GLIS1: variants seen among roughly 807,000 people sequenced by gnomAD.
The protein encoded by GLIS1 is GLIS family zinc finger 1.
GLIS1 carries 24 observed loss-of-function variants against 63.8 expected under a neutral mutation model. That is an observed-to-expected ratio of 0.38 (90% CI 0.27 to 0.53). The LOEUF is 0.53. GLIS1 is among the 20% of genes least tolerant of loss of function. The probability of loss-of-function intolerance (pLI) is 0.85; values close to 1 mark genes in which losing one functional copy is unlikely to be tolerated. For missense variants in GLIS1, 1,036 were observed against 1,074.1 expected (o/e 0.96, Z 0.50); for synonymous variants, 450 against 482.5 (o/e 0.93, Z 0.88).
At chr1:53,559,937 T>C (rs2100435489) in intron 4 of GLIS1, among the ~76,000 whole-genome samples, 1 of 152,234 alleles carries the variant, frequency 6.6e-6, no homozygotes, top group East Asian at 1.9e-4. Flanking sequence ...CCCCTACCTC[T>C]GCCCACAGTG....
At chr1:53,586,357 A>G (rs1358091140) in intron 4 of GLIS1, among the ~76,000 whole-genome samples, 1 of 152,188 alleles carries the variant, frequency 6.6e-6, no homozygotes, top group Non-Finnish European at 1.5e-5. Flanking sequence ...AGTGCAGGAA[A>G]CTGAGGCTCA....
At chr1:53,627,575 C>T (rs1005271463) in intron 2 of GLIS1, among the ~76,000 whole-genome samples, 1 of 152,206 alleles carries the variant, frequency 6.6e-6, no homozygotes, top group Non-Finnish European at 1.5e-5. Context: ...AATTTAAAAT[C>T]CCTTTCGACA....
intron 4 of GLIS1, among the ~76,000 whole-genome samples, chr1:53,556,421 ATG>A (rs1411828546): frequency 1.7e-5 from 1 of 58,468 alleles, no homozygotes; most frequent in East Asian, 6.4e-4. Flanking sequence ...TACTGTAGGT[ATG>A]TGTGTGCAGG....
intron 7 of GLIS1, among the ~76,000 whole-genome samples, chr1:53,515,865 C>T (rs960527277): frequency 2.0e-5 from 3 of 150,770 alleles, no homozygotes; most frequent in Admixed American, 6.6e-5. Context: ...CCCCTGCATT[C>T]CAGGCCATTA....
intron 2 of GLIS1, among the ~76,000 whole-genome samples, chr1:53,716,608 G>A (rs770623058): frequency 6.6e-6 from 1 of 152,086 alleles, no homozygotes; most frequent in Non-Finnish European, 1.5e-5. Context: ...CATAAATGGA[G>A]GCACAATGCC....
chr1:53,711,583 G>C (rs1320186963), intron 2 of GLIS1, among the ~76,000 whole-genome samples: 1 of 152,192 alleles, frequency 6.6e-6, no homozygotes, highest in Non-Finnish European at 1.5e-5. Context: ...TCAGAGCACA[G>C]CTCTTTCTTT....
chr1:53,734,650 C>G (rs1304380763), intron 2 of GLIS1, among the ~76,000 whole-genome samples: 1 of 152,202 alleles, frequency 6.6e-6, no homozygotes, highest in Non-Finnish European at 1.5e-5. Context: ...TCACAAGAGC[C>G]CCCAAGGCAG....
chr1:53,607,974 T>TTC (rs1557478578), intron 2 of GLIS1, among the ~76,000 whole-genome samples: 2 of 150,864 alleles, frequency 1.3e-5, no homozygotes, highest in Non-Finnish European at 3.0e-5. Context: ...TTTTTTTTTT[T>TTC]TTGAGACAGG....
At chr1:53,688,264 T>C (rs1263218118) in intron 2 of GLIS1, among the ~76,000 whole-genome samples, 1 of 152,214 alleles carries the variant, frequency 6.6e-6, no homozygotes. Context: ...TGTGGGCTCA[T>C]GGGGGATAAA....
intron 4 of GLIS1, among the ~76,000 whole-genome samples, chr1:53,543,678 C>A (rs749716089): frequency 2.0e-5 from 3 of 152,104 alleles, no homozygotes; most frequent in Non-Finnish European, 4.4e-5. Flanking sequence ...AGTAAGCGCA[C>A]TGGTCTCTCT....
rs1644465933 is a variant in GLIS1 at position 53,526,098 on chromosome 1, C to T, written c.1483-1211G>A. 6.6e-6 allele frequency among the ~76,000 whole-genome samples: 1 copy of T among 152,172 alleles called. No individual in the cohort carries two copies. Among genetic ancestry groups the T allele is most frequent in the African/African-American group, 2.4e-5 (1 of 41,426 alleles). Reference sequence around the variant, plus strand: ...CGGACACGTCTAGTGCTTCCGCTCTCTTAGAAGCCTCTGCCCTGCTGGGAC... The same window carrying T: ...CGGACACGTCTAGTGCTTCCGCTCTTTTAGAAGCCTCTGCCCTGCTGGGAC... On this transcript the variant is annotated intron_variant, in intron 5 of 10. Coordinates refer to ENST00000628545, the MANE Select transcript of GLIS1 (RefSeq NM_001367484.1). The surrounding 1 kb of genome is among the most constrained non-coding windows in gnomAD (Gnocchi z 4.4).
At chr1:53,551,055 T>C (rs1201586620) in intron 4 of GLIS1, among the ~76,000 whole-genome samples, 1 of 152,092 alleles carries the variant, frequency 6.6e-6, no homozygotes, top group East Asian at 1.9e-4. Flanking sequence ...TTCACCATGT[T>C]AGGCCGGTTT....
chr1:53,534,657 C>T (rs1644564489), intron 4 of GLIS1, among the ~76,000 whole-genome samples: 1 of 151,552 alleles, frequency 6.6e-6, no homozygotes, highest in Non-Finnish European at 1.5e-5. Flanking sequence ...CCTCCACCCC[C>T]ACCTGACCAC....
At chr1:53,605,715 T>C (rs796351178) in intron 2 of GLIS1, among the ~76,000 whole-genome samples, 13 of 152,206 alleles carry the variant, frequency 8.5e-5, no homozygotes, top group African/African-American at 2.9e-4. Context: ...TCCAACTTGC[T>C]TCACATATTG....
intron 2 of GLIS1, among the ~76,000 whole-genome samples, chr1:53,705,911 A>C: frequency 6.6e-6 from 1 of 152,224 alleles, no homozygotes; most frequent in East Asian, 1.9e-4. Flanking sequence ...GTCCTGGTGC[A>C]GCAGTCAGCC....
At chr1:53,531,566 C>T (rs1644531328) in intron 4 of GLIS1, among the ~76,000 whole-genome samples, 1 of 152,340 alleles carries the variant, frequency 6.6e-6, no homozygotes, top group African/African-American at 2.4e-5. Context: ...CTGGGACAGA[C>T]TGGCTCCAGT....
At chr1:53,678,024 C>T (rs1646232677) in intron 2 of GLIS1, among the ~76,000 whole-genome samples, 1 of 152,152 alleles carries the variant, frequency 6.6e-6, no homozygotes, top group Non-Finnish European at 1.5e-5. Flanking sequence ...AGAAAACAGC[C>T]CCCAAACGTG....
At chr1:53,711,930 T>A (rs1479417216) in intron 2 of GLIS1, among the ~76,000 whole-genome samples, 2 of 152,212 alleles carry the variant, frequency 1.3e-5, no homozygotes, top group African/African-American at 4.8e-5. Context: ...CCTACAGGCC[T>A]TCGCTAGCAT....
intron 4 of GLIS1, among the ~76,000 whole-genome samples, chr1:53,556,990 G>A (rs1644841650): frequency 6.6e-6 from 1 of 151,664 alleles, no homozygotes; most frequent in Non-Finnish European, 1.5e-5. Flanking sequence ...AGATGTGTGT[G>A]TTCGTGTGTA....
Sources: gnomAD v4.1 joint callset for allele counts (sites outside exome capture counted in the v4.1 genomes callset) on GRCh38, gnomAD v4.1.1 for gene constraint, Gnocchi (gnomAD v3.1) non-coding constraint, MANE v1.5 for transcripts, NCBI Gene and HGNC (gene_info 2026-07-23, HGNC 2026-07-21) for gene names.